The following TBCK variants were observed in gnomAD, a reference collection of about 807,000 sequenced individuals.
The protein encoded by TBCK is TBC domain-containing protein kinase-like protein.
Under a neutral mutation model 113.4 loss-of-function variants are expected in TBCK, and 99 were observed. The observed-to-expected ratio is 0.87, with a 90% CI of 0.74 to 1.03. TBCK has a LOEUF of 1.03. Ranked by LOEUF, TBCK falls within the 50% of genes least tolerant of loss-of-function variation. The pLI is 0.00. For synonymous variants in TBCK, 369 were observed against 370.8 expected, an observed-to-expected ratio of 1.00 and a Z score of 0.05; for missense variants, 1,045 against 1,061.3, an observed-to-expected ratio of 0.98 and a Z score of 0.21.
At chr4:106,125,430 C>G (rs72964441) in intron 23 of TBCK, among the ~76,000 whole-genome samples, 4,169 of 152,154 alleles carry the variant, frequency 0.027, 185 homozygotes, top group African/African-American at 0.095. Flanking sequence ...TGAGGTGGCC[C>G]ATGCTTGTAA....
intron 20 of TBCK, among the ~76,000 whole-genome samples, chr4:106,202,562 A>C (rs148974742): frequency 6.6e-6 from 1 of 152,186 alleles, no homozygotes; most frequent in Non-Finnish European, 1.5e-5. Flanking sequence ...TTTATTATTA[A>C]AAAGAAAAGA....
intron 23 of TBCK, among the ~76,000 whole-genome samples, chr4:106,134,455 GACTA>G (rs1025601045): frequency 5.3e-5 from 8 of 152,186 alleles, no homozygotes; most frequent in African/African-American, 1.7e-4. Flanking sequence ...TCTGTCCAAG[GACTA>G]ACTGAGAAGG....
intron 17 of TBCK, among the ~76,000 whole-genome samples, chr4:106,232,282 A>G (rs1429460323): frequency 1.3e-5 from 2 of 151,914 alleles, no homozygotes; most frequent in African/African-American, 4.8e-5. Context: ...ATGTACATAA[A>G]TCTACCTACA....
chr4:106,219,575 T>C (rs12642691), intron 19 of TBCK, among the ~76,000 whole-genome samples: 91,018 of 151,776 alleles, frequency 0.6, 27,580 homozygotes, highest in Non-Finnish European at 0.64. Context: ...CCAAAGTTAC[T>C]ATTCTTGCCA....
intron 12 of TBCK, among the ~76,000 whole-genome samples, chr4:106,239,554 CCCA>C (rs1374116228): frequency 3.9e-5 from 6 of 151,902 alleles, no homozygotes; most frequent in Middle Eastern, 3.4e-3. Flanking sequence ...CCAACAAAAG[CCCA>C]CCAATAGGTG....
chr4:106,316,597 G>C (rs1768914475), upstream of TBCK: 1 of 1,551,348 alleles, frequency 6.4e-7, no homozygotes, highest in Non-Finnish European at 8.7e-7. Flanking sequence ...CGCTTCATGT[G>C]AGTGACGTCG....
rs1179491220 is a variant in TBCK, at chr4:106,171,278, G to C, written c.2060-8C>G. 1 of 1,595,278 alleles carries C rather than the reference G, an allele frequency of 6.3e-7. No individual in the cohort carries two copies. Among genetic ancestry groups the C allele is most frequent in the Non-Finnish European group, 8.5e-7 (1 of 1,173,518 alleles). ...AGCGTTCAATGTCAATTTCTAGATA[G>C]AAATGTTTTAAAAAAGCAAATGTAT... On this transcript the variant is annotated splice_polypyrimidine_tract_variant and splice_region_variant and intron_variant, in intron 22 of 25. Coordinates refer to ENST00000394708, the MANE Select transcript of TBCK (RefSeq NM_001163435.3).
intron 3 of TBCK, among the ~76,000 whole-genome samples, chr4:106,273,335 T>A (rs1763699117): frequency 6.6e-6 from 1 of 152,208 alleles, no homozygotes; most frequent in South Asian, 2.1e-4. Flanking sequence ...AAATAAAACT[T>A]TTTTTCCTGA....
intron 23 of TBCK, among the ~76,000 whole-genome samples, chr4:106,134,498 TC>T (rs1746337240): frequency 6.6e-6 from 1 of 152,204 alleles, no homozygotes; most frequent in African/African-American, 2.4e-5. Context: ...CTTCTGACTG[TC>T]ACCCCAACAT....
At chr4:106,051,262 T>C (rs539889858) in intron 25 of TBCK, among the ~76,000 whole-genome samples, 1 of 151,960 alleles carries the variant, frequency 6.6e-6, no homozygotes, top group African/African-American at 2.4e-5. Flanking sequence ...TAAGAAAGTT[T>C]GGGGTTCTGG....
At chr4:106,244,595 T>C in intron 11 of TBCK, 31 bp downstream of exon 11, 1 of 1,500,428 alleles carries the variant, frequency 6.7e-7, no homozygotes, top group Admixed American at 2.3e-5. Flanking sequence ...ATTTATTTAT[T>C]TAAATTCCCA....
intron 3 of TBCK, among the ~76,000 whole-genome samples, chr4:106,294,407 C>G (rs573468551): frequency 6.6e-6 from 1 of 151,836 alleles, no homozygotes; most frequent in East Asian, 2.0e-4. Context: ...GCGGGTGGAT[C>G]ACAAGGCCAG....
At chr4:106,132,066 T>C (rs1746006722) in intron 23 of TBCK, among the ~76,000 whole-genome samples, 1 of 152,074 alleles carries the variant, frequency 6.6e-6, no homozygotes, top group South Asian at 2.1e-4. Context: ...AGGTTGGCAA[T>C]GTGATAAAAG....
chr4:106,241,737 G>A (rs1760166894), intron 12 of TBCK, among the ~76,000 whole-genome samples: 1 of 151,464 alleles, frequency 6.6e-6, no homozygotes, highest in African/African-American at 2.4e-5. Flanking sequence ...ATTCTAGGTG[G>A]ATTAAAGAAC....
chr4:106,063,115 T>C (rs555871314), intron 25 of TBCK, among the ~76,000 whole-genome samples: 20 of 151,970 alleles, frequency 1.3e-4, no homozygotes, highest in Non-Finnish European at 2.2e-4. Context: ...ATGTCCAGCA[T>C]GTTCAAGGTG....
At position 106,066,630 on chromosome 4, in the gene TBCK, AT is replaced by A. The variant is rs535255842; in HGVS notation, c.2572-19951del. On this transcript the variant is annotated intron_variant, in intron 25 of 25. Transcript: ENST00000394708. ...CAACCATCACCACTAGTTATTTCCA[AT>A]TTTTTTCATCATCTCAGAGAAACTT... Among the ~76,000 whole-genome samples, 180 of 151,908 alleles carry A rather than the reference AT, an allele frequency of 1.2e-3. 1 individual carries two copies. The highest frequency in any genetic ancestry group is 4.1e-3 in the African/African-American group (168 of 41,432).
intron 23 of TBCK, among the ~76,000 whole-genome samples, chr4:106,147,325 T>C (rs557429498): frequency 6.6e-6 from 1 of 152,320 alleles, no homozygotes; most frequent in East Asian, 1.9e-4. Context: ...TCACTATCTA[T>C]GGCAGCTATG....
chr4:106,295,366 C>G (rs1766187312), intron 2 of TBCK, among the ~76,000 whole-genome samples, 200 bp from the exon 3 acceptor site: 1 of 152,006 alleles, frequency 6.6e-6, no homozygotes, highest in Non-Finnish European at 1.5e-5. Context: ...ATTTTTTTCT[C>G]TTGTATTTTT....
At chr4:106,110,353 C>A (rs1742698413) in intron 24 of TBCK, among the ~76,000 whole-genome samples, 1 of 152,148 alleles carries the variant, frequency 6.6e-6, no homozygotes, top group South Asian at 2.1e-4. Context: ...ATAGAACCCT[C>A]AAAAATGAAG....
Sources: allele counts gnomAD v4.1 joint callset (sites outside exome capture counted in the v4.1 genomes callset), GRCh38; gene constraint gnomAD v4.1.1; transcripts MANE v1.5; gene names NCBI Gene and HGNC (gene_info 2026-07-23, HGNC 2026-07-21).